The following TSGA10 variants were observed in gnomAD, a reference collection of about 807,000 sequenced individuals.
The protein encoded by TSGA10 is testis specific 10.
In TSGA10, 43 loss-of-function variants were observed where a neutral mutation model predicts 96.6. That is an observed-to-expected ratio of 0.44 (90% confidence interval 0.35 to 0.57). TSGA10 has a LOEUF of 0.57. Ranked by LOEUF, TSGA10 falls within the 20% of genes least tolerant of loss-of-function variation. The pLI, the probability that TSGA10 is intolerant of heterozygous loss-of-function variation, is 0.01. For missense variants in TSGA10, 703 were observed against 834.4 expected, an observed-to-expected ratio of 0.84 and a Z score of 1.94; for synonymous variants, 229 against 269.9, an observed-to-expected ratio of 0.85 and a Z score of 1.48.
intron 11 of TSGA10, 102 bp downstream of exon 11, chr2:99,081,180 C>A: frequency 1.9e-6 from 1 of 537,936 alleles, no homozygotes; most frequent in Non-Finnish European, 3.1e-6. Context: ...TAGTTAAGGG[C>A]TTGTTTCCAA....
intron 1 of TSGA10, among the ~76,000 whole-genome samples, chr2:99,145,310 C>T (rs1330888023): frequency 6.6e-6 from 1 of 152,160 alleles, no homozygotes; most frequent in Non-Finnish European, 1.5e-5. Context: ...ATAATCCCAG[C>T]ATTTTGGGAG....
intron 15 of TSGA10, among the ~76,000 whole-genome samples, chr2:99,065,444 T>A (rs2104467166): frequency 6.6e-6 from 1 of 152,322 alleles, no homozygotes. Flanking sequence ...ACAGCCTGCT[T>A]TTCCCATATG....
intron 2 of TSGA10, among the ~76,000 whole-genome samples, chr2:99,122,377 C>G (rs898833190): frequency 2.0e-5 from 3 of 151,882 alleles, no homozygotes; most frequent in African/African-American, 7.3e-5. Flanking sequence ...GTACAGAAAC[C>G]TTACCTGTTA....
intron 5 of TSGA10, among the ~76,000 whole-genome samples, chr2:99,110,584 T>C (rs1356653415): frequency 6.6e-6 from 1 of 152,166 alleles, no homozygotes; most frequent in Non-Finnish European, 1.5e-5. Flanking sequence ...TCATTTTAAA[T>C]CAATTAACAG....
At chr2:99,026,046 A>T (rs2080532990) in intron 17 of TSGA10, among the ~76,000 whole-genome samples, 2 of 152,188 alleles carry the variant, frequency 1.3e-5, no homozygotes, top group Non-Finnish European at 2.9e-5. Flanking sequence ...TGTTGAGAAG[A>T]CTATGTATTC....
At chr2:99,118,464 A>G (rs898810434) in intron 3 of TSGA10, 87 bp downstream of exon 3, 12 of 539,676 alleles carry the variant, frequency 2.2e-5, no homozygotes, top group Non-Finnish European at 2.6e-5. Context: ...AAAAAAAAAA[A>G]AAAAGTATAT....
At chr2:99,008,874 T>C (rs2078740053) in intron 20 of TSGA10, among the ~76,000 whole-genome samples, 2 of 152,106 alleles carry the variant, frequency 1.3e-5, no homozygotes, top group South Asian at 2.1e-4. Context: ...TGAATCAATA[T>C]GGAGAGATTT....
rs146398201 is a variant in TSGA10 at position 99,107,901 on chromosome 2, T to C, written c.210+932A>G. ...AATCTTACCTTTCAAGTCTTAGCTC[T>C]CTCCCTTCTCCACTGACACATACCC... On this transcript the variant is annotated intron_variant, in intron 7 of 20. Transcript: ENST00000393483. Among the ~76,000 whole-genome samples the C allele has an allele frequency of 4.8e-3, 734 of 152,278 alleles. 1 individual carries two copies. Among genetic ancestry groups the C allele is most frequent in the Non-Finnish European group, 8.2e-3 (556 of 68,000 alleles).
At chr2:99,051,972 G>A (rs536795975) in intron 16 of TSGA10, among the ~76,000 whole-genome samples, 13 of 151,906 alleles carry the variant, frequency 8.6e-5, no homozygotes, top group East Asian at 1.9e-4. Flanking sequence ...ATGAGCTGCC[G>A]CTAAAGCAGT....
At chr2:99,008,851 A>G (rs2078735769) in intron 20 of TSGA10, among the ~76,000 whole-genome samples, 1 of 152,204 alleles carries the variant, frequency 6.6e-6, no homozygotes, top group Non-Finnish European at 1.5e-5. Flanking sequence ...AAAAGGACTA[A>G]GGAGAATCTC....
At chr2:99,044,686 G>A (rs955527969) in intron 16 of TSGA10, among the ~76,000 whole-genome samples, 2 of 151,884 alleles carry the variant, frequency 1.3e-5, no homozygotes, top group African/African-American at 2.4e-5. Context: ...AGCGGACCAG[G>A]CAGACAACAG....
At chr2:99,060,112 A>C (rs2084516703) in intron 16 of TSGA10, among the ~76,000 whole-genome samples, 1 of 152,156 alleles carries the variant, frequency 6.6e-6, no homozygotes, top group African/African-American at 2.4e-5. Flanking sequence ...GAAGAAGTAA[A>C]ACTATCTTTA....
rs974701828 is a variant in TSGA10 at position 99,062,737 on chromosome 2, C to T, written c.1404+2202G>A. Reference sequence around the variant, plus strand: ...GAACAGAGTGAGACTCTGTCTCAAACAAACAGACAAACAAACTTTAGTAAT... The same window carrying T: ...GAACAGAGTGAGACTCTGTCTCAAATAAACAGACAAACAAACTTTAGTAAT... On this transcript the variant is annotated intron_variant, in intron 16 of 20. Coordinates refer to ENST00000393483, the MANE Select transcript of TSGA10 (RefSeq NM_025244.4). Among the ~76,000 whole-genome samples the T allele has an allele frequency of 5.3e-5, 8 of 152,000 alleles. No individual in the cohort carries two copies. In the South Asian group the frequency reaches 6.2e-4, roughly 12 times the overall value.
At chr2:99,005,697 C>G (rs528859380) in intron 20 of TSGA10, among the ~76,000 whole-genome samples, 2 of 152,038 alleles carry the variant, frequency 1.3e-5, no homozygotes, top group East Asian at 3.8e-4. Flanking sequence ...GAATCAATAT[C>G]GTGAAAATGG....
intron 10 of TSGA10, among the ~76,000 whole-genome samples, chr2:99,089,445 G>A (rs1031262976): frequency 6.6e-6 from 1 of 152,220 alleles, no homozygotes; most frequent in Non-Finnish European, 1.5e-5. Flanking sequence ...GATGCAGGCA[G>A]GAGGGGTGGC....
intron 16 of TSGA10, among the ~76,000 whole-genome samples, chr2:99,057,705 C>G (rs1480856416): frequency 6.6e-6 from 1 of 152,144 alleles, no homozygotes; most frequent in Non-Finnish European, 1.5e-5. Context: ...TAGTCTCTAT[C>G]AGAATCCCAG....
intron 16 of TSGA10, among the ~76,000 whole-genome samples, chr2:99,044,065 T>C (rs1044149090): frequency 2.0e-5 from 3 of 152,128 alleles, no homozygotes; most frequent in African/African-American, 4.8e-5. Flanking sequence ...TACCAGCCAC[T>C]GCAAAAACAT....
intron 16 of TSGA10, 96 bp from the exon 17 acceptor site, chr2:99,035,535 T>C (rs1207244486): frequency 4.2e-6 from 3 of 722,410 alleles, no homozygotes; most frequent in Admixed American, 3.1e-5. Context: ...AATCTAAGAG[T>C]AGTGCACTTA....
intron 18 of TSGA10, among the ~76,000 whole-genome samples, chr2:99,019,134 C>CA (rs1175144485): frequency 6.6e-6 from 1 of 152,044 alleles, no homozygotes; most frequent in Non-Finnish European, 1.5e-5. Context: ...AAAAATGCCT[C>CA]AAAAAACCTG....
Sources: gnomAD v4.1 joint callset for allele counts (sites outside exome capture counted in the v4.1 genomes callset) on GRCh38, gnomAD v4.1.1 for gene constraint, MANE v1.5 for transcripts, NCBI Gene and HGNC (gene_info 2026-07-23, HGNC 2026-07-21) for gene names.